MYO7B: variants seen among roughly 807,000 people sequenced by gnomAD.
MYO7B encodes unconventional myosin-VIIb.
Under a neutral mutation model 259.7 loss-of-function variants are expected in MYO7B, and 212 were observed. The ratio of observed to expected loss-of-function variants is 0.82; its 90% CI spans 0.73 to 0.91. MYO7B has a LOEUF of 0.91. Ranked by LOEUF, MYO7B falls within the 40% of genes least tolerant of loss-of-function variation. MYO7B has a pLI of 0.00. For synonymous variants in MYO7B, 1,197 were observed against 1,166.4 expected (o/e 1.03, Z -0.54); for missense variants, 2,732 against 2,813.5 (o/e 0.97, Z 0.66).
intron 1 of MYO7B, among the ~76,000 whole-genome samples, chr2:127,548,911 T>G (rs1351113844): frequency 6.6e-6 from 1 of 152,248 alleles, no homozygotes; most frequent in Non-Finnish European, 1.5e-5. Context: ...TATCTTTCTG[T>G]TATTGATTTC....
At chr2:127,592,998 G>A (rs1573666394) in intron 17 of MYO7B, 52 bp downstream of exon 17, 8 of 1,407,800 alleles carry the variant, frequency 5.7e-6, no homozygotes, top group Admixed American at 2.7e-5. Context: ...CCTTCCCCTC[G>A]GCCTTGGCAC....
chr2:127,567,395 G>C (rs752297225), intron 5 of MYO7B, among the ~76,000 whole-genome samples: 15 of 152,156 alleles, frequency 9.9e-5, no homozygotes, highest in Non-Finnish European at 2.2e-4. Context: ...AGTTCACTAG[G>C]GGACCAGAAG....
chr2:127,548,045 G>C (rs1330382312), intron 1 of MYO7B, among the ~76,000 whole-genome samples: 3 of 152,030 alleles, frequency 2.0e-5, no homozygotes, highest in African/African-American at 7.2e-5. Context: ...CTTGAGTTTT[G>C]GTAGTTTTCA....
intron 1 of MYO7B, among the ~76,000 whole-genome samples, chr2:127,553,827 T>C (rs1693540996): frequency 6.6e-6 from 1 of 152,174 alleles, no homozygotes; most frequent in Non-Finnish European, 1.5e-5. Context: ...GGAATCCTTG[T>C]CTTGTTTCTG....
At chr2:127,564,334 G>T (rs1006005494) in intron 3 of MYO7B, 68 bp downstream of exon 3, 13 of 1,249,750 alleles carry the variant, frequency 1.0e-5, no homozygotes, top group Non-Finnish European at 1.4e-5. Flanking sequence ...AGCCCTCCCC[G>T]CCCTGTGGAG....
Position 127,607,471 on chromosome 2 carries a change from C to T in MYO7B, c.2643+47C>T, listed in dbSNP as rs776583596. On this transcript the variant is annotated intron_variant, in intron 21 of 47. Transcript: ENST00000409816. The surrounding 1 kb of genome is among the most constrained non-coding windows in gnomAD (Gnocchi z 4.4). ...TGGGCAGGTGGGGCTGGCTGGGGCC[C>T]CAGTGGGTGAGGGCAAGAAGGAGTG... The T allele has an allele frequency of 2.3e-5, 35 of 1,525,202 alleles. No homozygotes were observed. In the South Asian group the frequency reaches 3.7e-4, roughly 16 times the overall value. 94.5% of individuals were successfully genotyped at this position (1,525,202 alleles called of 1,614,324 possible). A position where few individuals can be genotyped will look rare whatever the true frequency, so the allele number is the denominator to read the frequency against.
At chr2:127,565,080 C>T (rs1412127960) in intron 3 of MYO7B, among the ~76,000 whole-genome samples, 153 bp from the exon 4 acceptor site, 2 of 152,244 alleles carry the variant, frequency 1.3e-5, no homozygotes, top group Non-Finnish European at 2.9e-5. Flanking sequence ...TTGTCATAGA[C>T]TGACCCTGGC....
chr2:127,551,572 T>C (rs1693444875), intron 1 of MYO7B, among the ~76,000 whole-genome samples: 1 of 152,210 alleles, frequency 6.6e-6, no homozygotes, highest in Non-Finnish European at 1.5e-5. Flanking sequence ...GGTGAATTAG[T>C]CTCTCTTTTG....
chr2:127,607,564 C>G lies in MYO7B; in HGVS notation c.2643+140C>G. On this transcript the variant is annotated intron_variant, in intron 21 of 47. Transcript: ENST00000409816. This position sits in a 1 kb window ranked among gnomAD's most constrained non-coding sequence, Gnocchi z 4.4. ...CCCCCGCCCCCGCCACAAGCCAAGA[C>G]GTTAAAATCTGTTCAATTACTCAAG... 1.4e-6 allele frequency: 1 copy of G among 723,194 alleles called. No homozygotes were observed. The highest frequency in any genetic ancestry group is 1.9e-5 in the South Asian group (1 of 53,332). 44.8% of individuals were successfully genotyped at this position (723,194 alleles called of 1,614,324 possible). A position where few individuals can be genotyped will look rare whatever the true frequency, so the allele number is the denominator to read the frequency against.
chr2:127,628,624 A>C lies in MYO7B; in HGVS notation c.4624+89A>C. 7.4e-7 allele frequency: 1 copy of C among 1,348,154 alleles called. No individual in the cohort carries two copies. Among genetic ancestry groups the C allele is most frequent in the Non-Finnish European group, 1.0e-6 (1 of 994,610 alleles). The allele number at this position is 1,348,154 out of a possible 1,614,324, so 83.5% of individuals were successfully genotyped here. Reference sequence around the variant, plus strand: ...GTAGGTAGGTGGCATGCTCATCTCCACACAGCAGCCACAAGGCAAGCAGAG... The same window carrying C: ...GTAGGTAGGTGGCATGCTCATCTCCCCACAGCAGCCACAAGGCAAGCAGAG... On this transcript the variant is annotated intron_variant, in intron 34 of 47. Coordinates refer to ENST00000409816, the MANE Select transcript of MYO7B (RefSeq NM_001393586.1). This position sits in a 1 kb window ranked among gnomAD's most constrained non-coding sequence, Gnocchi z 4.8.
intron 28 of MYO7B, 53 bp downstream of exon 28, chr2:127,622,154 G>A (rs1680870977): frequency 2.0e-6 from 3 of 1,516,150 alleles, no homozygotes; most frequent in Non-Finnish European, 2.7e-6. Context: ...CAGACCCCCA[G>A]GGACCCCCAG....
chr2:127,606,833 C>T (rs1447036856), intron 20 of MYO7B, among the ~76,000 whole-genome samples: 4 of 152,214 alleles, frequency 2.6e-5, no homozygotes, highest in Non-Finnish European at 4.4e-5. Context: ...TGTGCTAGCC[C>T]GTGAGCAAGT....
In MYO7B at chr2:127,624,251, T is replaced by A. The variant is rs1450215106; in HGVS notation, c.3978T>A (p.Pro1326=). Residue 1326 remains proline (P), a synonymous_variant, in exon 30 of 48, where the codon CCT becomes CCA. Coordinates refer to ENST00000409816, the MANE Select transcript of MYO7B (RefSeq NM_001393586.1). ...CCTGGCACGACTCCCGGGAGGACCC[T>A]GTCAGCACCGAGCTTATTTACCGCC... ...FTPWHDSRED[P]VSTELIYRQV... is the part of the protein sequence containing the mutation. 4 of 1,596,204 alleles carry A rather than the reference T, an allele frequency of 2.5e-6. No individual in the cohort carries two copies. The highest frequency in any genetic ancestry group is 3.4e-6 in the Non-Finnish European group (4 of 1,172,222).
intron 1 of MYO7B, among the ~76,000 whole-genome samples, chr2:127,545,601 C>G (rs1210062544): frequency 6.6e-6 from 1 of 152,236 alleles, no homozygotes; most frequent in African/African-American, 2.4e-5. Context: ...TTCTTTTCCT[C>G]TCCTCCTGCC....
chr2:127,588,249 G>T (rs1679378317), intron 14 of MYO7B, 143 bp from the exon 15 acceptor site: 2 of 888,336 alleles, frequency 2.3e-6, no homozygotes, highest in African/African-American at 1.7e-5. Flanking sequence ...TGGGTAGAGG[G>T]GTGGAGAGCA....
At chr2:127,624,767 C>T (rs370442821) in intron 30 of MYO7B, among the ~76,000 whole-genome samples, 4 of 152,170 alleles carry the variant, frequency 2.6e-5, no homozygotes, top group Non-Finnish European at 4.4e-5. Flanking sequence ...CGGAGTGTAC[C>T]GGGAGCTCTT....
intron 1 of MYO7B, among the ~76,000 whole-genome samples, chr2:127,549,253 C>T (rs537744899): frequency 1.3e-5 from 2 of 152,212 alleles, no homozygotes; most frequent in South Asian, 2.1e-4. Context: ...CAACCTAATA[C>T]TAACCCAACC....
intron 16 of MYO7B, among the ~76,000 whole-genome samples, chr2:127,592,014 C>G (rs980154452): frequency 6.6e-6 from 1 of 152,184 alleles, no homozygotes; most frequent in Non-Finnish European, 1.5e-5. Context: ...TTTCATTTAA[C>G]TATTGTGAGG....
intron 5 of MYO7B, among the ~76,000 whole-genome samples, chr2:127,567,786 C>G (rs1371590039): frequency 6.6e-6 from 1 of 152,206 alleles, no homozygotes; most frequent in Non-Finnish European, 1.5e-5. Context: ...ATCCCTTCCT[C>G]AGGGAGCTTA....
Sources: gnomAD v4.1 joint callset for allele counts (sites outside exome capture counted in the v4.1 genomes callset) on GRCh38, gnomAD v4.1.1 for gene constraint, Gnocchi (gnomAD v3.1) non-coding constraint, MANE v1.5 for transcripts, NCBI Gene and HGNC (gene_info 2026-07-23, HGNC 2026-07-21) for gene names.